Variants in NLGN4Y observed in about 807,000 individuals in gnomAD.
NLGN4Y encodes neuroligin 4 Y-linked.
A neutral mutation model predicts 8.4 loss-of-function variants in NLGN4Y; 4 were observed. The observed-to-expected ratio is 0.48, with a 90% CI of 0.23 to 1.09. The LOEUF (loss-of-function observed/expected upper bound fraction) is 1.09. Ranked by LOEUF, NLGN4Y falls within the 50% of genes least tolerant of loss-of-function variation. The pLI, the probability that NLGN4Y is intolerant of heterozygous loss-of-function variation, is 0.19. For missense variants in NLGN4Y, 90 were observed against 192.3 expected (o/e 0.47, Z 3.15); for synonymous variants, 35 against 75.6 (o/e 0.46, Z 2.78).
At chrY:14,751,379 G>T (rs73621796) in intron 4 of NLGN4Y, among the ~76,000 whole-genome samples, 1 of 32,787 alleles carries the variant, frequency 3.0e-5, no homozygotes, top group African/African-American at 1.2e-4. Context: ...AGTATGCATC[G>T]TTCAACATGT....
intron 1 of NLGN4Y, among the ~76,000 whole-genome samples, chrY:14,531,537 A>G: frequency 3.2e-5 from 1 of 31,319 alleles, no homozygotes; most frequent in Non-Finnish European, 7.7e-5. Context: ...ACAAAATACA[A>G]TTTATCTAAA....
intron 1 of NLGN4Y, among the ~76,000 whole-genome samples, chrY:14,604,024 A>G (rs2080437947): frequency 3.0e-5 from 1 of 33,076 alleles, no homozygotes; most frequent in African/African-American, 1.2e-4. Context: ...GTGTCCTTCC[A>G]GAATCCACAT....
intron 2 of NLGN4Y, among the ~76,000 whole-genome samples, chrY:14,713,648 T>C (rs757004143): frequency 1.2e-4 from 4 of 33,441 alleles, no homozygotes; most frequent in Non-Finnish European, 3.0e-4. Flanking sequence ...GCTTTCCCCA[T>C]GTTGGCCAGT....
intron 2 of NLGN4Y, among the ~76,000 whole-genome samples, chrY:14,631,097 G>C: frequency 3.1e-5 from 1 of 32,231 alleles, no homozygotes; most frequent in South Asian, 7.1e-4. Flanking sequence ...AAGGAGTTTT[G>C]CTCTTATTGC....
At chrY:14,618,885 C>T (rs963393896) in intron 1 of NLGN4Y, among the ~76,000 whole-genome samples, 23 of 33,253 alleles carry the variant, frequency 6.9e-4, no homozygotes, top group African/African-American at 1.8e-3. Flanking sequence ...TGCTGAGATG[C>T]GGCAATGCTG....
intron 4 of NLGN4Y, among the ~76,000 whole-genome samples, chrY:14,781,497 C>T (rs969176656): frequency 8.1e-4 from 27 of 33,349 alleles, no homozygotes; most frequent in African/African-American, 3.2e-3. Context: ...TCCTGTCATG[C>T]GATCTTCCCT....
At chrY:14,788,968 T>C in intron 4 of NLGN4Y, among the ~76,000 whole-genome samples, 1 of 31,155 alleles carries the variant, frequency 3.2e-5, no homozygotes, top group Non-Finnish European at 7.7e-5. Flanking sequence ...CTTTCTTTTT[T>C]TTTTTTTCTT....
intron 1 of NLGN4Y, among the ~76,000 whole-genome samples, chrY:14,612,316 C>T: frequency 3.0e-5 from 1 of 33,404 alleles, no homozygotes; most frequent in Non-Finnish European, 7.4e-5. Context: ...ATTCTCTGTT[C>T]GGTTTTGTTC....
At chrY:14,702,824 T>C in intron 2 of NLGN4Y, among the ~76,000 whole-genome samples, 2 of 32,967 alleles carry the variant, frequency 6.1e-5, no homozygotes, top group African/African-American at 1.2e-4. Flanking sequence ...CCAGCACCTG[T>C]TGTTTCCTGA....
At chrY:14,667,796 C>T in intron 2 of NLGN4Y, among the ~76,000 whole-genome samples, 2 of 33,562 alleles carry the variant, frequency 6.0e-5, no homozygotes, top group African/African-American at 2.3e-4. Context: ...GGTGTTCAGG[C>T]GAAAAGCAAT....
At chrY:14,833,060 C>T in intron 6 of NLGN4Y, among the ~76,000 whole-genome samples, 2 of 32,702 alleles carry the variant, frequency 6.1e-5, no homozygotes, top group African/African-American at 1.2e-4. Flanking sequence ...TACTTCCAGG[C>T]GAGTATTCTC....
At chrY:14,699,825 G>C (rs975238098) in intron 2 of NLGN4Y, among the ~76,000 whole-genome samples, 5 of 32,326 alleles carry the variant, frequency 1.5e-4, no homozygotes, top group Non-Finnish European at 7.6e-5. Flanking sequence ...TAAACACCTA[G>C]AGGTACATTA....
intron 1 of NLGN4Y, among the ~76,000 whole-genome samples, chrY:14,611,061 C>T (rs1012949470): frequency 3.1e-5 from 1 of 32,603 alleles, no homozygotes; most frequent in Admixed American, 2.9e-4. Context: ...CTTTGCTTTC[C>T]GTTTGCTTGG....
intron 1 of NLGN4Y, among the ~76,000 whole-genome samples, chrY:14,547,372 T>C: frequency 3.0e-5 from 1 of 33,866 alleles, no homozygotes; most frequent in Non-Finnish European, 7.3e-5. Flanking sequence ...AACTTGATCT[T>C]GGAGGTGACA....
intron 1 of NLGN4Y, among the ~76,000 whole-genome samples, chrY:14,527,064 C>T: frequency 9.0e-5 from 3 of 33,447 alleles, no homozygotes; most frequent in Non-Finnish European, 2.2e-4. Flanking sequence ...TTCACAAGTG[C>T]AGGGGTCTCT....
At chrY:14,746,036 A>T (rs2081022989) in intron 4 of NLGN4Y, among the ~76,000 whole-genome samples, 1 of 33,006 alleles carries the variant, frequency 3.0e-5, no homozygotes, top group African/African-American at 1.2e-4. Flanking sequence ...TCAATAAGAA[A>T]TGAGTGTGAA....
At chrY:14,613,030 A>T (rs2080475253) in intron 1 of NLGN4Y, among the ~76,000 whole-genome samples, 1 of 32,302 alleles carries the variant, frequency 3.1e-5, no homozygotes, top group Non-Finnish European at 7.6e-5. Context: ...TGGCTACAGC[A>T]GCTTTGCTGA....
intron 4 of NLGN4Y, among the ~76,000 whole-genome samples, chrY:14,811,077 G>A (rs780041754): frequency 6.0e-5 from 2 of 33,447 alleles, no homozygotes; most frequent in South Asian, 1.3e-3. Flanking sequence ...AGTGCAGGAC[G>A]TCACGTTCCC....
chrY:14,604,406 T>C, intron 1 of NLGN4Y, among the ~76,000 whole-genome samples: 13 of 33,787 alleles, frequency 3.8e-4, no homozygotes, highest in Admixed American at 3.0e-3. Context: ...TGTTGTCTTA[T>C]TTCTTTGGTC....
Sources: gnomAD v4.1 joint callset for allele counts (sites outside exome capture counted in the v4.1 genomes callset) on GRCh38, gnomAD v4.1.1 for gene constraint, MANE v1.5 for transcripts, NCBI Gene and HGNC (gene_info 2026-07-23, HGNC 2026-07-21) for gene names.